The following DYNC1I2 variants were observed in gnomAD, a reference collection of about 807,000 sequenced individuals.
The protein encoded by DYNC1I2 is cytoplasmic dynein 1 intermediate chain 2.
A neutral mutation model predicts 88.6 loss-of-function variants in DYNC1I2; 53 were observed. The observed-to-expected ratio is 0.60, with a 90% CI of 0.48 to 0.75. The LOEUF is 0.75. Ranked by LOEUF, DYNC1I2 falls within the 30% of genes least tolerant of loss-of-function variation. DYNC1I2 has a pLI of 0.00. For synonymous variants in DYNC1I2, 198 were observed against 254.6 expected (o/e 0.78, Z 2.12); for missense variants, 458 against 766.6 (o/e 0.60, Z 4.75).
intron 15 of DYNC1I2, among the ~76,000 whole-genome samples, chr2:171,736,723 G>A (rs531364261): frequency 6.6e-6 from 1 of 151,926 alleles, no homozygotes; most frequent in Non-Finnish European, 1.5e-5. Flanking sequence ...GACACATTTG[G>A]TCTCAAAAAG....
intron 1 of DYNC1I2, among the ~76,000 whole-genome samples, chr2:171,689,323 G>C (rs1473200182): frequency 2.0e-5 from 3 of 152,204 alleles, no homozygotes; most frequent in Admixed American, 2.0e-4. Context: ...CATATGATTT[G>C]ATAGCTAATG....
intron 3 of DYNC1I2, 56 bp from the exon 4 acceptor site, chr2:171,706,491 T>C: frequency 6.7e-7 from 1 of 1,487,398 alleles, no homozygotes; most frequent in Non-Finnish European, 9.3e-7. Flanking sequence ...TGTATTTTTC[T>C]ATAAGAAGGG....
At chr2:171,736,927 C>T (rs34437706) in intron 15 of DYNC1I2, among the ~76,000 whole-genome samples, 2,087 of 152,268 alleles carry the variant, frequency 0.014, 21 homozygotes, top group Admixed American at 0.022. Flanking sequence ...TAGAACTCCC[C>T]GCTTACCCCA....
At chr2:171,743,854 T>C (rs1244605147) in intron 15 of DYNC1I2, among the ~76,000 whole-genome samples, 195 bp from the exon 16 acceptor site, 1 of 152,252 alleles carries the variant, frequency 6.6e-6, no homozygotes, top group East Asian at 1.9e-4. Flanking sequence ...ATGCAATCAA[T>C]AGTTGATTCT....
At chr2:171,739,742 G>T (rs1013735674) in intron 15 of DYNC1I2, among the ~76,000 whole-genome samples, 1 of 106,518 alleles carries the variant, frequency 9.4e-6, no homozygotes, top group Non-Finnish European at 1.7e-5. Flanking sequence ...ATCTCACTCT[G>T]TTGCCCAGGC....
At chr2:171,688,316 A>G (rs1442992943) in intron 1 of DYNC1I2, 2 of 152,202 alleles carry the variant, frequency 1.3e-5, no homozygotes, top group African/African-American at 2.4e-5. Context: ...CTTGAGTTTT[A>G]AGAACGTGAA....
At chr2:171,708,642 T>A (rs952895523) in intron 5 of DYNC1I2, among the ~76,000 whole-genome samples, 9 of 150,248 alleles carry the variant, frequency 6.0e-5, no homozygotes, top group South Asian at 2.1e-4. Flanking sequence ...AGGGTTAAAA[T>A]TTTTTTTCAT....
chr2:171,713,970 A>C (rs986622635), intron 6 of DYNC1I2, among the ~76,000 whole-genome samples: 1 of 152,074 alleles, frequency 6.6e-6, no homozygotes, highest in Non-Finnish European at 1.5e-5. Flanking sequence ...TTTGTTTAGT[A>C]TTATGGTTTT....
intron 6 of DYNC1I2, among the ~76,000 whole-genome samples, chr2:171,714,689 A>T (rs554927549): frequency 6.6e-6 from 1 of 152,338 alleles, no homozygotes; most frequent in South Asian, 2.1e-4. Context: ...TATTCAAAAG[A>T]TCTGTCACTT....
intron 7 of DYNC1I2, among the ~76,000 whole-genome samples, chr2:171,721,619 T>G (rs1220394460): frequency 6.6e-6 from 1 of 152,200 alleles, no homozygotes; most frequent in African/African-American, 2.4e-5. Flanking sequence ...AAGTTATTCA[T>G]AAGTTGAATT....
intron 3 of DYNC1I2, among the ~76,000 whole-genome samples, chr2:171,704,857 A>G (rs1686554279): frequency 6.6e-6 from 1 of 152,310 alleles, no homozygotes; most frequent in African/African-American, 2.4e-5. Context: ...AAATAACACT[A>G]TCATTCCCCT....
intron 7 of DYNC1I2, among the ~76,000 whole-genome samples, chr2:171,720,639 C>A (rs1687837433): frequency 6.6e-6 from 1 of 152,078 alleles, no homozygotes; most frequent in African/African-American, 2.4e-5. Flanking sequence ...GAGGCTGAGG[C>A]AGAATTGCTT....
chr2:171,712,740 C>G, intron 5 of DYNC1I2, 27 bp from the exon 6 acceptor site: 8 of 1,593,612 alleles, frequency 5.0e-6, no homozygotes, highest in Non-Finnish European at 6.9e-6. Context: ...TTTGCTAATG[C>G]TTCATGGTTG....
At chr2:171,701,990 A>G (rs1686298751) in intron 3 of DYNC1I2, among the ~76,000 whole-genome samples, 1 of 152,230 alleles carries the variant, frequency 6.6e-6, no homozygotes, top group Admixed American at 6.5e-5. Flanking sequence ...GGGAGCAGTA[A>G]ATAAATATGC....
At position 171,729,793 on chromosome 2, in the gene DYNC1I2, C is replaced by T. The variant is rs1688487446; in HGVS notation, c.1476C>T (p.Asp492=). The T allele has an allele frequency of 6.2e-7, 1 of 1,613,684 alleles. No individual in the cohort carries two copies. Among genetic ancestry groups the T allele is most frequent in the South Asian group, 1.1e-5 (1 of 91,076 alleles). Residue 492 remains aspartate, a synonymous_variant, in exon 15 of 18, where the codon GAC becomes GAT. Transcript: ENST00000397119. The part of the protein sequence containing the change: ...IHCHAAVGAV[D]FSHLFVTSSF... ...GTCATGCAGCTGTTGGAGCAGTAGA[C>T]TTCTCACATCTTTTTGTCACTTCAT...
rs1414129018 is a variant in DYNC1I2 at position 171,749,309 on chromosome 2, A to G, written c.*1420A>G. 1.3e-5 allele frequency among the ~76,000 whole-genome samples: 2 copies of G among 152,136 alleles called. No homozygotes were observed. Among genetic ancestry groups the G allele is most frequent in the African/African-American group, 2.4e-5 (1 of 41,440 alleles). ...GATTTCTGAATTTTCTTTCAGCTCT[A>G]CTCAATTAAGGGGTATCAGTATGTG... On this transcript the variant is annotated 3_prime_UTR_variant, in exon 18 of 18. Coordinates refer to ENST00000397119, the MANE Select transcript of DYNC1I2 (RefSeq NM_001378.3).
chr2:171,704,524 CTGAT>C, intron 3 of DYNC1I2, among the ~76,000 whole-genome samples: 1 of 152,262 alleles, frequency 6.6e-6, no homozygotes, highest in East Asian at 1.9e-4. Flanking sequence ...TAAAGGTAAT[CTGAT>C]TGAATCACTG....
At chr2:171,714,397 AC>A (rs1168548204) in intron 6 of DYNC1I2, among the ~76,000 whole-genome samples, 1 of 152,124 alleles carries the variant, frequency 6.6e-6, no homozygotes, top group Non-Finnish European at 1.5e-5. Flanking sequence ...AAGTTATATT[AC>A]CAGCGATAGC....
intron 7 of DYNC1I2, among the ~76,000 whole-genome samples, chr2:171,724,846 A>G (rs1440080857): frequency 6.6e-6 from 1 of 152,226 alleles, no homozygotes; most frequent in Non-Finnish European, 1.5e-5. Context: ...ATTTTAAAAT[A>G]AATGATTTTA....
Sources: gnomAD v4.1 joint callset for allele counts (sites outside exome capture counted in the v4.1 genomes callset) on GRCh38, gnomAD v4.1.1 for gene constraint, MANE v1.5 for transcripts, NCBI Gene and HGNC (gene_info 2026-07-23, HGNC 2026-07-21) for gene names.